Variants in ME2 observed in about 807,000 individuals in gnomAD.
ME2 encodes NAD-dependent malic enzyme, mitochondrial.
A neutral mutation model predicts 73.7 loss-of-function variants in ME2; 60 were observed. That is an observed-to-expected ratio of 0.81 (90% CI 0.66 to 1.01). The LOEUF (loss-of-function observed/expected upper bound fraction) is 1.01. Among genes scored for constraint, ME2 ranks in the 50% least tolerant of loss-of-function variants. The pLI, the probability that ME2 is intolerant of heterozygous loss-of-function variation, is 0.00. For synonymous variants in ME2, 199 were observed against 236.9 expected, an observed-to-expected ratio of 0.84 and a Z score of 1.47; for missense variants, 594 against 705.5, an observed-to-expected ratio of 0.84 and a Z score of 1.79.
rs571308036 is a variant in ME2 at position 50,903,535 on chromosome 18, C to T, written c.109-4528C>T. The stretch of plus-strand genomic sequence containing the variant: ...GCACAGTCATGGCTCCCTGCAGCCT[C>T]GACCTTCCAGGCTTAGGAGATCCTC... On this transcript the variant is annotated intron_variant, in intron 2 of 15. Coordinates refer to ENST00000321341, the MANE Select transcript of ME2 (RefSeq NM_002396.5). Among the ~76,000 whole-genome samples, 26 of 152,176 alleles carry T rather than the reference C, an allele frequency of 1.7e-4. No individual in the cohort carries two copies. The South Asian group carries it at 5.0e-3, about 29-fold the overall frequency.
intron 13 of ME2, among the ~76,000 whole-genome samples, chr18:50,936,153 G>T (rs935734115): frequency 8.5e-5 from 13 of 152,144 alleles, no homozygotes; most frequent in African/African-American, 3.1e-4. Flanking sequence ...TCAAAGAAGC[G>T]ACCGTTAGAC....
chr18:50,917,291 TTTTC>T (rs1917307696), intron 5 of ME2, 52 bp from the exon 6 acceptor site: 2 of 1,418,348 alleles, frequency 1.4e-6, no homozygotes, highest in Admixed American at 1.9e-5. Flanking sequence ...TAAAAAATGC[TTTTC>T]TTTAGTGCCC....
chr18:50,897,758 G>A (rs1916781768), intron 2 of ME2, among the ~76,000 whole-genome samples: 1 of 152,138 alleles, frequency 6.6e-6, no homozygotes, highest in African/African-American at 2.4e-5. Flanking sequence ...TACTTGGGAG[G>A]CTGAGGCAGG....
intron 1 of ME2, among the ~76,000 whole-genome samples, chr18:50,880,196 C>G (rs960813261): frequency 2.0e-5 from 3 of 152,174 alleles, no homozygotes; most frequent in African/African-American, 7.2e-5. Flanking sequence ...CACGGATTAT[C>G]TCAAAATAAC....
chr18:50,940,375 A>G lies in ME2; in HGVS notation c.1576A>G (p.Ile526Val), dbSNP rs766344899. Residue 526 changes from isoleucine (I) to valine (V), a missense_variant, in exon 15 of 16, where the codon ATT (isoleucine) becomes GTT (valine). Ile to Val is a conservative substitution (Grantham distance 29). Transcript: ENST00000321341. ...LANIQEVSIN[I>V]AIKVTEYLYA... Reference sequence around the variant, plus strand: ...TAATATTCAGGAAGTTTCTATTAACATTGCTATTAAAGTAAGTAATAACTT... The same window carrying G: ...TAATATTCAGGAAGTTTCTATTAACGTTGCTATTAAAGTAAGTAATAACTT... The G allele has an allele frequency of 6.3e-6, 10 of 1,590,928 alleles. No homozygotes were observed. The highest frequency in any genetic ancestry group is 2.7e-5 in the African/African-American group (2 of 74,160).
At chr18:50,914,883 T>G (rs1824642683) in intron 4 of ME2, among the ~76,000 whole-genome samples, 1 of 152,228 alleles carries the variant, frequency 6.6e-6, no homozygotes. Flanking sequence ...TTGCTTTCTC[T>G]TTTGAAATCT....
chr18:50,941,270 A>T (rs926032452), intron 15 of ME2, among the ~76,000 whole-genome samples: 13 of 150,480 alleles, frequency 8.6e-5, no homozygotes, highest in African/African-American at 3.2e-4. Flanking sequence ...TCAAAAAAAA[A>T]AAAAAAAAAA....
At chr18:50,940,229 A>G in intron 14 of ME2, 59 bp from the exon 15 acceptor site, 1 of 1,111,070 alleles carries the variant, frequency 9.0e-7, no homozygotes, top group East Asian at 2.4e-5. Context: ...TTTTCCATTT[A>G]CTGGGTCCTT....
intron 2 of ME2, among the ~76,000 whole-genome samples, chr18:50,900,426 C>T (rs779628954): frequency 8.6e-5 from 13 of 151,732 alleles, no homozygotes; most frequent in Non-Finnish European, 1.3e-4. Flanking sequence ...TCCCTAGTAG[C>T]TGGGAGTACA....
intron 12 of ME2, among the ~76,000 whole-genome samples, chr18:50,926,133 A>G (rs1448147555): frequency 6.6e-6 from 1 of 152,138 alleles, no homozygotes; most frequent in African/African-American, 2.4e-5. Context: ...TTAATTTTCT[A>G]TGTATTTTAA....
intron 2 of ME2, among the ~76,000 whole-genome samples, chr18:50,902,228 G>A (rs1206447915): frequency 2.6e-5 from 4 of 152,096 alleles, no homozygotes; most frequent in Non-Finnish European, 4.4e-5. Flanking sequence ...CTCAAGCTTT[G>A]TATCTGGAAC....
rs761691675 is a variant in ME2 at position 50,895,895 on chromosome 18, C to T, written c.75C>T (p.Gly25=). ...GACATTTGCACATAAAAGAAAAAGG[C>T]AAGCCACTTATGCTGAACCCAAGAA... is the stretch of plus-strand genomic sequence containing the variant. ...ACRHLHIKEK[G]KPLMLNPRTN... The change falls in exon 2 of 16, where the codon GGC becomes GGT. Residue 25 remains glycine, a synonymous_variant. Coordinates refer to ENST00000321341, the MANE Select transcript of ME2 (RefSeq NM_002396.5). 4.3e-6 allele frequency: 7 copies of T among 1,613,514 alleles called. No individual in the cohort carries two copies. Among genetic ancestry groups the T allele is most frequent in the Non-Finnish European group, 5.9e-6 (7 of 1,179,670 alleles).
chr18:50,912,745 AG>A (rs752111767), intron 3 of ME2, 55 bp from the exon 4 acceptor site: 3 of 1,332,012 alleles, frequency 2.3e-6, no homozygotes, highest in Non-Finnish European at 3.0e-6. Flanking sequence ...TCATAAGCCA[AG>A]ACTTTTAATG....
intron 1 of ME2, among the ~76,000 whole-genome samples, chr18:50,879,781 AG>A (rs1916268999): frequency 6.6e-6 from 1 of 152,260 alleles, no homozygotes; most frequent in African/African-American, 2.4e-5. Context: ...CTTTAAAAAA[AG>A]ACTTGCTGCG....
intron 15 of ME2, 75 bp downstream of exon 15, chr18:50,940,461 A>G (rs1917920835): frequency 2.0e-6 from 2 of 1,025,318 alleles, no homozygotes; most frequent in Non-Finnish European, 1.5e-6. Flanking sequence ...GTTTATTAAG[A>G]TAAATCTGAA....
intron 10 of ME2, among the ~76,000 whole-genome samples, chr18:50,921,710 C>T (rs976467190): frequency 4.6e-5 from 7 of 152,004 alleles, no homozygotes; most frequent in East Asian, 1.9e-4. Context: ...CCGAGGCTAC[C>T]GTGCCTGGCC....
At chr18:50,898,987 T>C (rs752769527) in intron 2 of ME2, among the ~76,000 whole-genome samples, 1 of 152,244 alleles carries the variant, frequency 6.6e-6, no homozygotes, top group Non-Finnish European at 1.5e-5. Flanking sequence ...CATAATTTTC[T>C]GAAATTCAGC....
intron 1 of ME2, among the ~76,000 whole-genome samples, chr18:50,880,905 G>T (rs1300360505): frequency 1.3e-5 from 2 of 152,046 alleles, no homozygotes; most frequent in Non-Finnish European, 2.9e-5. Context: ...ATTCATAAAG[G>T]AAAAAACCCA....
intron 15 of ME2, among the ~76,000 whole-genome samples, chr18:50,944,205 C>T (rs1047176049): frequency 2.6e-5 from 4 of 152,052 alleles, no homozygotes; most frequent in African/African-American, 4.8e-5. Context: ...CAGAGCAAGA[C>T]CCTGTCTCTA....
Sources: gnomAD v4.1 joint callset for allele counts (sites outside exome capture counted in the v4.1 genomes callset) on GRCh38, gnomAD v4.1.1 for gene constraint, MANE v1.5 for transcripts, NCBI Gene and HGNC (gene_info 2026-07-23, HGNC 2026-07-21) for gene names.